MGAT4C: variants seen among roughly 807,000 people sequenced by gnomAD.
The protein encoded by MGAT4C is MGAT4 family member C.
MGAT4C carries 19 observed loss-of-function variants against 40.1 expected under a neutral mutation model. That is an observed-to-expected ratio of 0.47 (90% CI 0.33 to 0.70). The LOEUF is 0.70. Ranked by LOEUF, MGAT4C falls within the 30% of genes least tolerant of loss-of-function variation. The pLI, the probability that MGAT4C is intolerant of heterozygous loss-of-function variation, is 0.02. For missense variants in MGAT4C, 491 were observed against 563.2 expected (o/e 0.87, Z 1.30); for synonymous variants, 181 against 187.1 (o/e 0.97, Z 0.27).
chr12:86,577,060 T>A (rs961313734), intron 2 of MGAT4C, among the ~76,000 whole-genome samples: 5 of 151,716 alleles, frequency 3.3e-5, no homozygotes, highest in African/African-American at 4.8e-5. Flanking sequence ...GTTATTTAAT[T>A]TTATGTGTGA....
At chr12:86,522,723 G>T in intron 2 of MGAT4C, among the ~76,000 whole-genome samples, 1 of 152,172 alleles carries the variant, frequency 6.6e-6, no homozygotes, top group Non-Finnish European at 1.5e-5. Flanking sequence ...AATCCATCTG[G>T]TCCTGGACTT....
At chr12:86,492,809 A>C (rs190646361) in intron 2 of MGAT4C, among the ~76,000 whole-genome samples, 373 of 152,316 alleles carry the variant, frequency 2.4e-3, no homozygotes, top group African/African-American at 8.7e-3. Context: ...GATCTAATTA[A>C]ATTAAGGAGC....
chr12:86,235,921 C>T (rs1392250102), intron 1 of MGAT4C, among the ~76,000 whole-genome samples: 1 of 152,058 alleles, frequency 6.6e-6, no homozygotes, highest in African/African-American at 2.4e-5. Context: ...CTACTACCAA[C>T]TACTCCAAAA....
Position 86,723,403 on chromosome 12 carries a change from G to C in MGAT4C, c.-229+3806C>G, listed in dbSNP as rs534315371. On this transcript the variant is annotated intron_variant, in intron 2 of 7. Coordinates refer to the MGAT4C transcript ENST00000548651. ...TATTGTCTCACAATTCTGGAGGCCA[G>C]AAGTTTGAAATCAAGATGGCCCTTT... 3.3e-5 allele frequency among the ~76,000 whole-genome samples: 5 copies of C among 152,254 alleles called. No individual in the cohort carries two copies. In the South Asian group the frequency reaches 1.0e-3, roughly 32 times the overall value.
At chr12:86,724,247 C>A (rs1043042503) in intron 2 of MGAT4C, among the ~76,000 whole-genome samples, 11 of 152,098 alleles carry the variant, frequency 7.2e-5, no homozygotes, top group African/African-American at 2.7e-4. Flanking sequence ...CTTTTAAATT[C>A]TTGACTTCAG....
At chr12:86,747,795 G>C (rs1001259510) in intron 1 of MGAT4C, among the ~76,000 whole-genome samples, 4 of 151,380 alleles carry the variant, frequency 2.6e-5, no homozygotes, top group Non-Finnish European at 5.9e-5. Context: ...AAAAAAGCTG[G>C]TAATAACTGG....
chr12:86,688,802 T>C (rs1316452570), intron 2 of MGAT4C, among the ~76,000 whole-genome samples: 3 of 152,188 alleles, frequency 2.0e-5, no homozygotes, highest in Non-Finnish European at 2.9e-5. Context: ...TCAACCTTAG[T>C]GAATCTGACA....
chr12:86,148,738 T>C (rs570680632), intron 1 of MGAT4C, among the ~76,000 whole-genome samples: 3 of 152,192 alleles, frequency 2.0e-5, no homozygotes, highest in Non-Finnish European at 4.4e-5. Context: ...TTATATGGAA[T>C]TGCAGAATAG....
At chr12:86,055,223 C>G (rs1893271999) in intron 1 of MGAT4C, among the ~76,000 whole-genome samples, 1 of 152,046 alleles carries the variant, frequency 6.6e-6, no homozygotes, top group Non-Finnish European at 1.5e-5. Flanking sequence ...ATTCAAACTA[C>G]AGCTACTAAT....
intron 4 of MGAT4C, among the ~76,000 whole-genome samples, chr12:86,290,957 AG>A (rs1953496598): frequency 6.6e-6 from 1 of 152,180 alleles, no homozygotes; most frequent in Non-Finnish European, 1.5e-5. Context: ...GCTCGGAAAA[AG>A]GTAAGAGTTG....
intron 2 of MGAT4C, among the ~76,000 whole-genome samples, chr12:86,637,810 G>A (rs541622269): frequency 7.9e-5 from 12 of 151,738 alleles, no homozygotes; most frequent in Middle Eastern, 3.2e-3. Context: ...TCATACCCAC[G>A]TTATCTACAT....
chr12:86,773,965 T>G (rs1297696579), intron 1 of MGAT4C, among the ~76,000 whole-genome samples: 1 of 140,860 alleles, frequency 7.1e-6, no homozygotes, highest in African/African-American at 2.7e-5. Flanking sequence ...TTTTTTTTTT[T>G]TTTTTTGAGT....
intron 4 of MGAT4C, among the ~76,000 whole-genome samples, chr12:86,274,782 T>C (rs1221541082): frequency 1.3e-5 from 2 of 152,208 alleles, no homozygotes; most frequent in Non-Finnish European, 2.9e-5. Context: ...CTGGGGTCAG[T>C]TGTTTGCCTC....
At chr12:86,065,243 G>A (rs1358551539) in intron 1 of MGAT4C, among the ~76,000 whole-genome samples, 1 of 152,096 alleles carries the variant, frequency 6.6e-6, no homozygotes, top group Non-Finnish European at 1.5e-5. Context: ...CCAAAACATG[G>A]CAGAGACACA....
intron 2 of MGAT4C, among the ~76,000 whole-genome samples, chr12:86,541,196 A>T (rs1227844459): frequency 6.6e-6 from 1 of 152,230 alleles, no homozygotes; most frequent in East Asian, 1.9e-4. Context: ...ATAATCCAAT[A>T]TAGACTGAGA....
rs555705118 is a variant in MGAT4C, at chr12:86,548,604, C to G, written c.-228-113339G>C. Among the ~76,000 whole-genome samples, 12 of 152,156 alleles carry G rather than the reference C, an allele frequency of 7.9e-5. No homozygotes were observed. The East Asian group carries it at 1.7e-3, about 22-fold the overall frequency. On this transcript the variant is annotated intron_variant, in intron 2 of 7. Transcript: ENST00000548651. ...GCCAGATGAACATTTTAGGCAAAAT[C>G]TAAGATAAAGAATAGAGTAGTGATT...
At chr12:86,759,455 C>A (rs944610606) in intron 1 of MGAT4C, among the ~76,000 whole-genome samples, 2 of 152,056 alleles carry the variant, frequency 1.3e-5, no homozygotes, top group Admixed American at 6.6e-5. Context: ...ATCTGAGGAA[C>A]CTCCTTACTG....
chr12:86,178,081 T>A (rs557718387), intron 1 of MGAT4C, among the ~76,000 whole-genome samples: 1 of 151,950 alleles, frequency 6.6e-6, no homozygotes, highest in East Asian at 1.9e-4. Flanking sequence ...GGACTACAGG[T>A]GCCCACCACC....
At chr12:86,604,230 G>C (rs996226046) in intron 2 of MGAT4C, among the ~76,000 whole-genome samples, 70 of 152,210 alleles carry the variant, frequency 4.6e-4, no homozygotes, top group African/African-American at 1.4e-3. Flanking sequence ...GGGCTTGGGA[G>C]AACTTCTTTT....
Sources: allele counts gnomAD v4.1 joint callset (sites outside exome capture counted in the v4.1 genomes callset), GRCh38; gene constraint gnomAD v4.1.1; transcripts MANE v1.5; gene names NCBI Gene and HGNC (gene_info 2026-07-23, HGNC 2026-07-21).